Variants in WNK1 observed in about 807,000 individuals in gnomAD.
WNK1 encodes the protein WNK lysine deficient protein kinase 1, also known as serine/threonine-protein kinase WNK1.
WNK1 carries 38 observed loss-of-function variants against 222.8 expected under a neutral mutation model. The observed-to-expected ratio is 0.17, with a 90% confidence interval of 0.13 to 0.22. WNK1 has a LOEUF of 0.22. Ranked by LOEUF, WNK1 falls within the 10% of genes least tolerant of loss-of-function variation. The pLI is 1.00. For missense variants in WNK1, 2,348 were observed against 2,918.4 expected, an observed-to-expected ratio of 0.80 and a Z score of 4.50; for synonymous variants, 1,090 against 1,092.9, an observed-to-expected ratio of 1.00 and a Z score of 0.05.
chr12:904,151 G>A (rs1457121946), intron 26 of WNK1, among the ~76,000 whole-genome samples: 1 of 152,160 alleles, frequency 6.6e-6, no homozygotes, highest in African/African-American at 2.4e-5. Flanking sequence ...TGAGAGACTG[G>A]AGTTCCTCGC....
intron 4 of WNK1, among the ~76,000 whole-genome samples, chr12:856,490 C>G (rs535851792): frequency 6.6e-6 from 1 of 151,932 alleles, no homozygotes; most frequent in African/African-American, 2.4e-5. Flanking sequence ...TTTATTTATA[C>G]TTTATAAAGA....
intron 1 of WNK1, among the ~76,000 whole-genome samples, chr12:758,373 CTTTTT>C (rs397957357): frequency 3.1e-5 from 2 of 64,728 alleles, no homozygotes; most frequent in African/African-American, 1.2e-4. Context: ...TGCTATAGTT[CTTTTT>C]TTTTTTTTTT....
intron 1 of WNK1, among the ~76,000 whole-genome samples, chr12:797,139 A>G (rs1180862656): frequency 2.0e-5 from 3 of 152,234 alleles, no homozygotes; most frequent in Non-Finnish European, 4.4e-5. Flanking sequence ...ATTCATGAAA[A>G]TAAATAAATG....
chr12:793,247 T>G (rs985203090), intron 1 of WNK1, among the ~76,000 whole-genome samples: 1 of 152,194 alleles, frequency 6.6e-6, no homozygotes, highest in Non-Finnish European at 1.5e-5. Context: ...TTCTCTGTAG[T>G]TTTTAGAATC....
chr12:903,407 C>T (rs1955437196), intron 26 of WNK1, among the ~76,000 whole-genome samples: 1 of 152,058 alleles, frequency 6.6e-6, no homozygotes, highest in East Asian at 1.9e-4. Context: ...GTTGAATAAG[C>T]ATTTAATTTG....
In WNK1 at chr12:775,577, G is replaced by A. The variant is rs144057626; in HGVS notation, c.759+21253G>A. ...AAAATTAACATATTAGCTGAGTGAG[G>A]TGGTACATGCCTGGAGTCCTAGCTA... On this transcript the variant is annotated intron_variant, in intron 1 of 27. Transcript: ENST00000315939. 9.2e-4 allele frequency among the ~76,000 whole-genome samples: 140 copies of A among 152,268 alleles called. 1 individual carries two copies. The highest frequency in any genetic ancestry group is 3.2e-3 in the African/African-American group (135 of 41,552).
intron 1 of WNK1, among the ~76,000 whole-genome samples, chr12:792,943 CT>C (rs1353277502): frequency 2.6e-5 from 4 of 151,910 alleles, no homozygotes; most frequent in Non-Finnish European, 5.9e-5. Flanking sequence ...ACCTTTAAGC[CT>C]CTGTTTTCTT....
intron 26 of WNK1, among the ~76,000 whole-genome samples, chr12:903,382 A>G (rs1205971647): frequency 6.6e-6 from 1 of 152,144 alleles, no homozygotes; most frequent in Non-Finnish European, 1.5e-5. Flanking sequence ...GACTGTGCAT[A>G]TTAGCACTTT....
intron 8 of WNK1, among the ~76,000 whole-genome samples, chr12:865,885 A>T (rs1951625606): frequency 6.6e-6 from 1 of 152,108 alleles, no homozygotes; most frequent in African/African-American, 2.4e-5. Context: ...ATGATGTATC[A>T]GCAAACCAAA....
chr12:803,213 T>C (rs1946048501), intron 1 of WNK1, among the ~76,000 whole-genome samples: 1 of 152,222 alleles, frequency 6.6e-6, no homozygotes, highest in African/African-American at 2.4e-5. Flanking sequence ...GAAATGTGTT[T>C]AGTTGTACTC....
At chr12:773,330 G>A (rs1942755752) in intron 1 of WNK1, among the ~76,000 whole-genome samples, 1 of 151,984 alleles carries the variant, frequency 6.6e-6, no homozygotes, top group African/African-American at 2.4e-5. Context: ...AAGCCTTACT[G>A]TGCCTTTTCC....
At chr12:836,887 AT>A (rs1284667178) in intron 4 of WNK1, among the ~76,000 whole-genome samples, 1 of 151,552 alleles carries the variant, frequency 6.6e-6, no homozygotes, top group Admixed American at 6.6e-5. Context: ...AAGTCAGAGT[AT>A]TAATCAGAAA....
chr12:908,522 C>G lies in WNK1; in HGVS notation c.6879C>G (p.Ile2293Met). 6.2e-7 allele frequency: 1 copy of G among 1,614,210 alleles called. No homozygotes were observed. Among genetic ancestry groups the G allele is most frequent in the Non-Finnish European group, 8.5e-7 (1 of 1,180,042 alleles). ...RKFSAPGQLCISMTSNLGGSA... is the reference protein window; with the variant it reads ...RKFSAPGQLCMSMTSNLGGSA... ...TCTCTGCACCTGGGCAACTGTGCAT[C>G]TCCATGACCTCGAACCTGGGTGGCT... The change falls in exon 28 of 28, where the codon ATC (isoleucine) becomes ATG (methionine). Residue 2293 changes from isoleucine (I) to methionine (M), a missense_variant. Physicochemically the swap from Ile to Met is conservative, Grantham distance 10. Around this residue, in one of 13 missense-constraint regions of WNK1, gnomAD observed 55 missense variants for 104.1 expected, o/e 0.53. Coordinates refer to ENST00000315939, the MANE Select transcript of WNK1 (RefSeq NM_018979.4).
rs748230461 is a variant in WNK1, at chr12:879,621, C to T, written c.2422C>T (p.Pro808Ser). ...AACTATCCAAGGCGAACCTCAGATCCCAGTTGCGACACAACCCTCGGTTGT... is the reference window on the plus strand; with the variant it reads ...AACTATCCAAGGCGAACCTCAGATCTCAGTTGCGACACAACCCTCGGTTGT... ...VPTIQGEPQI[P>S]VATQPSVVPV... The change falls in exon 11 of 28, where the codon CCA (proline) becomes TCA (serine). Residue 808 changes from proline (P) to serine (S), a missense_variant. By Grantham distance (74) the Pro-to-Ser change is moderately conservative (BLOSUM62 -1). Transcript: ENST00000315939. 27 of 1,612,996 alleles carry T rather than the reference C, an allele frequency of 1.7e-5. No homozygotes were observed. In the South Asian group the frequency reaches 3.0e-4, roughly 18 times the overall value.
intron 1 of WNK1, among the ~76,000 whole-genome samples, chr12:759,815 G>A (rs1940766869): frequency 6.8e-6 from 1 of 147,806 alleles, no homozygotes; most frequent in African/African-American, 2.4e-5. Context: ...ACAGTTTCCT[G>A]TCTGTAAAAT....
At chr12:898,339 T>G (rs1454220452) in intron 25 of WNK1, among the ~76,000 whole-genome samples, 2 of 151,736 alleles carry the variant, frequency 1.3e-5, no homozygotes, top group African/African-American at 4.8e-5. Context: ...AAAAATTAGG[T>G]GGGCATGGTG....
In WNK1 at chr12:879,999, G is replaced by C; in HGVS notation, c.2800G>C (p.Val934Leu). ...IPANLGQAAE[V>L]PLSSGDVLYQ... ...AGCTAACCTTGGACAAGCTGCTGAG[G>C]TTCCACTTTCCTCTGGAGATGTTCT... The change falls in exon 11 of 28, where the codon GTT (valine) becomes CTT (leucine). Residue 934 changes from valine (V) to leucine (L), a missense_variant. Coordinates refer to ENST00000315939, the MANE Select transcript of WNK1 (RefSeq NM_018979.4). 6.2e-7 allele frequency: 1 copy of C among 1,614,148 alleles called. No individual in the cohort carries two copies. The highest frequency in any genetic ancestry group is 8.5e-7 in the Non-Finnish European group (1 of 1,180,038).
intron 4 of WNK1, among the ~76,000 whole-genome samples, chr12:836,045 T>C (rs957638823): frequency 2.0e-5 from 3 of 152,222 alleles, no homozygotes; most frequent in Admixed American, 6.5e-5. Context: ...CTAGGTTTAT[T>C]GTTACAGCAC....
chr12:895,253 G>A (rs1954638308), intron 23 of WNK1, among the ~76,000 whole-genome samples: 2 of 152,070 alleles, frequency 1.3e-5, no homozygotes, highest in African/African-American at 4.8e-5. Context: ...GGTGGGCTGA[G>A]TTTGTATTTG....
Sources: allele counts gnomAD v4.1 joint callset (sites outside exome capture counted in the v4.1 genomes callset), GRCh38; gene constraint gnomAD v4.1.1; regional missense constraint gnomAD v4.1.1; transcripts MANE v1.5; gene names NCBI Gene and HGNC (gene_info 2026-07-23, HGNC 2026-07-21).